TTLL6: variants seen among roughly 807,000 people sequenced by gnomAD.
The protein encoded by TTLL6 is tubulin polyglutamylase TTLL6.
In TTLL6, 75 loss-of-function variants were observed where a neutral mutation model predicts 96.4. The observed-to-expected ratio is 0.78, with a 90% CI of 0.65 to 0.94. The LOEUF (loss-of-function observed/expected upper bound fraction) is 0.94, where lower values mean the gene tolerates loss of function less well. Among genes scored for constraint, TTLL6 ranks in the 40% least tolerant of loss-of-function variants. The pLI is 0.00. For synonymous variants in TTLL6, 411 were observed against 419.4 expected (o/e 0.98, Z 0.24); for missense variants, 1,030 against 1,093.0 (o/e 0.94, Z 0.81).
chr17:48,769,467 T>C (rs1163488682), intron 14 of TTLL6, among the ~76,000 whole-genome samples: 1 of 152,258 alleles, frequency 6.6e-6, no homozygotes, highest in Non-Finnish European at 1.5e-5. Context: ...CTCAGCTGAA[T>C]GAGCCTCATG....
At chr17:48,785,393 G>C (rs368430310) in intron 12 of TTLL6, among the ~76,000 whole-genome samples, 192 bp from the exon 13 acceptor site, 3 of 152,276 alleles carry the variant, frequency 2.0e-5, no homozygotes, top group East Asian at 3.9e-4. Context: ...AGCTCACAGG[G>C]TCTCTGAGCC....
chr17:48,814,607 G>T (rs1349353240), intron 1 of TTLL6, among the ~76,000 whole-genome samples: 1 of 152,134 alleles, frequency 6.6e-6, no homozygotes, highest in Non-Finnish European at 1.5e-5. Context: ...TTGGCCACCA[G>T]GGGGAGGGAA....
intron 1 of TTLL6, among the ~76,000 whole-genome samples, chr17:48,806,945 A>G: frequency 6.6e-6 from 1 of 151,834 alleles, no homozygotes; most frequent in South Asian, 2.1e-4. Context: ...CAGGAGAACC[A>G]CTTGAATCCG....
chr17:48,775,779 G>C (rs2038858689), intron 13 of TTLL6, among the ~76,000 whole-genome samples: 1 of 152,042 alleles, frequency 6.6e-6, no homozygotes, highest in African/African-American at 2.4e-5. Flanking sequence ...AACCTCAGGT[G>C]ATCTGCCCAC....
At chr17:48,771,307 T>C (rs938472296) in intron 13 of TTLL6, among the ~76,000 whole-genome samples, 1 of 152,112 alleles carries the variant, frequency 6.6e-6, no homozygotes, top group Non-Finnish European at 1.5e-5. Flanking sequence ...AGATTTAGAA[T>C]GTGAAGTTAA....
At chr17:48,764,756 G>GT (rs1335147253) in intron 15 of TTLL6, among the ~76,000 whole-genome samples, 4 of 152,078 alleles carry the variant, frequency 2.6e-5, no homozygotes, top group Non-Finnish European at 4.4e-5. Flanking sequence ...TTTTTTATGT[G>GT]TAAGTCCTTT....
chr17:48,767,716 C>T (rs2038643387), intron 15 of TTLL6, among the ~76,000 whole-genome samples: 1 of 152,172 alleles, frequency 6.6e-6, no homozygotes, highest in Non-Finnish European at 1.5e-5. Context: ...GTGGAGTTCT[C>T]CGAAGTTTTT....
chr17:48,775,087 C>T (rs948591177), intron 13 of TTLL6, among the ~76,000 whole-genome samples: 2 of 151,160 alleles, frequency 1.3e-5, no homozygotes, highest in Admixed American at 1.3e-4. Context: ...CGTGCCACTG[C>T]ACACTAGCCT....
rs190570857 is a variant in TTLL6 at position 48,766,689 on chromosome 17, C to A, written c.*2300G>T. The stretch of plus-strand genomic sequence containing the variant: ...GAACAACTTGTCCAACATGGCAAAA[C>A]CCTATATCTACTAGAAATACAAAAA... On this transcript the variant is annotated intron_variant, in intron 15 of 15. Coordinates refer to ENST00000393382, the MANE Select transcript of TTLL6 (RefSeq NM_001130918.3). 2.0e-3 allele frequency among the ~76,000 whole-genome samples: 301 copies of A among 152,250 alleles called. 1 individual carries two copies. The highest frequency in any genetic ancestry group is 7.0e-3 in the African/African-American group (291 of 41,540).
intron 15 of TTLL6, among the ~76,000 whole-genome samples, chr17:48,767,736 C>G (rs74476371): frequency 6.0e-4 from 91 of 152,294 alleles, no homozygotes; most frequent in Middle Eastern, 3.4e-3. Context: ...TACATATGAC[C>G]TTCCCTCAGA....
chr17:48,767,534 G>A (rs897897175), intron 15 of TTLL6, among the ~76,000 whole-genome samples: 1 of 152,168 alleles, frequency 6.6e-6, no homozygotes. Context: ...TGGGCTGGAT[G>A]TTTCCTTGCA....
intron 9 of TTLL6, among the ~76,000 whole-genome samples, chr17:48,791,064 T>C (rs1024176734): frequency 2.0e-5 from 3 of 152,266 alleles, no homozygotes; most frequent in African/African-American, 4.8e-5. Flanking sequence ...CCAGCTTTGA[T>C]GAAAAACGCC....
At chr17:48,797,341 G>A in intron 6 of TTLL6, 137 bp from the exon 7 acceptor site, 2 of 929,024 alleles carry the variant, frequency 2.2e-6, no homozygotes, top group Non-Finnish European at 3.1e-6. Context: ...TCCAGGGTCA[G>A]AGAGAGGAAC....
chr17:48,807,291 A>G (rs534315793), intron 1 of TTLL6, among the ~76,000 whole-genome samples: 73 of 151,284 alleles, frequency 4.8e-4, no homozygotes, highest in Non-Finnish European at 9.7e-4. Flanking sequence ...GGGTTTCTCC[A>G]TGTTGGTCAG....
At chr17:48,803,749 G>C (rs1446201560) in intron 3 of TTLL6, 142 bp downstream of exon 3, 4 of 821,904 alleles carry the variant, frequency 4.9e-6, no homozygotes, top group Middle Eastern at 2.3e-4. Flanking sequence ...TAATTAAATA[G>C]TTCATTGAGC....
chr17:48,768,899 C>T, intron 15 of TTLL6, 90 bp downstream of exon 15: 2 of 1,338,836 alleles, frequency 1.5e-6, no homozygotes, highest in Non-Finnish European at 2.1e-6. Context: ...TTTATCAATC[C>T]ATCCATCCTC....
Position 48,791,386 on chromosome 17 carries a change from G to C in TTLL6, c.1216C>G (p.Leu406Val), listed in dbSNP as rs756252658. The stretch of plus-strand genomic sequence containing the variant: ...CGCCCAAACTTCCCTACCTCCAGCA[G>C]CCAGGGTTTGAGTTTGTGGTCCAAC... Reference protein sequence around the residue: ...ILLDHKLKPWLLEVNHSPSFS... With the variant: ...ILLDHKLKPWVLEVNHSPSFS... Residue 406 changes from leucine to valine, a missense_variant, in exon 9 of 16, where the codon CTG becomes GTG. Transcript: ENST00000393382. 5.0e-6 allele frequency: 8 copies of C among 1,613,866 alleles called. No individual in the cohort carries two copies. In the African/African-American group the frequency reaches 1.1e-4, roughly 22 times the overall value.
chr17:48,800,921 AG>A (rs1257588559), intron 5 of TTLL6, among the ~76,000 whole-genome samples: 1 of 152,182 alleles, frequency 6.6e-6, no homozygotes, highest in Non-Finnish European at 1.5e-5. Flanking sequence ...CTCTCTCCAG[AG>A]GTGCTCATGG....
At chr17:48,775,002 G>A (rs958884308) in intron 13 of TTLL6, among the ~76,000 whole-genome samples, 3 of 151,914 alleles carry the variant, frequency 2.0e-5, no homozygotes, top group Admixed American at 6.6e-5. Context: ...GCATAGTGGC[G>A]GGTACCTGTA....
Sources: allele counts gnomAD v4.1 joint callset (sites outside exome capture counted in the v4.1 genomes callset), GRCh38; gene constraint gnomAD v4.1.1; transcripts MANE v1.5; gene names NCBI Gene and HGNC (gene_info 2026-07-23, HGNC 2026-07-21).